Variants in SPECC1 observed in about 807,000 individuals in gnomAD.
The protein encoded by SPECC1 is sperm antigen with calponin homology and coiled-coil domains 1, also known as cytospin-B.
SPECC1 carries 62 observed loss-of-function variants against 104.1 expected under a neutral mutation model. The ratio of observed to expected loss-of-function variants is 0.60; its 90% confidence interval spans 0.49 to 0.74. SPECC1 has a LOEUF of 0.74. Among genes scored for constraint, SPECC1 ranks in the 30% least tolerant of loss-of-function variants. The pLI, the probability that SPECC1 is intolerant of heterozygous loss-of-function variation, is 0.00. For synonymous variants in SPECC1, 513 were observed against 501.6 expected, an observed-to-expected ratio of 1.02 and a Z score of -0.30; for missense variants, 1,306 against 1,310.5, an observed-to-expected ratio of 1.00 and a Z score of 0.05.
intron 3 of SPECC1, among the ~76,000 whole-genome samples, chr17:20,115,066 C>T (rs1021108228): frequency 1.2e-4 from 19 of 152,166 alleles, no homozygotes; most frequent in African/African-American, 4.3e-4. Flanking sequence ...AAAGATATAA[C>T]ATGGTGTGTT....
At chr17:20,158,939 G>T (rs1043937425) in intron 3 of SPECC1, among the ~76,000 whole-genome samples, 5 of 151,244 alleles carry the variant, frequency 3.3e-5, no homozygotes, top group African/African-American at 1.2e-4. Flanking sequence ...TTTTTTTGTA[G>T]AGATGGGATT....
intron 1 of SPECC1, among the ~76,000 whole-genome samples, chr17:20,069,570 C>T (rs975595003): frequency 1.3e-5 from 2 of 152,006 alleles, no homozygotes; most frequent in African/African-American, 4.8e-5. Flanking sequence ...TCCAGTTATT[C>T]CAGCATAATT....
intron 3 of SPECC1, among the ~76,000 whole-genome samples, chr17:20,122,181 G>T (rs1236701925): frequency 6.6e-6 from 1 of 152,142 alleles, no homozygotes; most frequent in Non-Finnish European, 1.5e-5. Context: ...AGGATAGAAA[G>T]ATGGGGGAGC....
At chr17:20,085,947 G>A (rs1240843874) in intron 1 of SPECC1, among the ~76,000 whole-genome samples, 1 of 152,246 alleles carries the variant, frequency 6.6e-6, no homozygotes, top group Non-Finnish European at 1.5e-5. Flanking sequence ...TGCAACTAGA[G>A]AAGCTCCAGC....
chr17:20,211,204 G>A (rs556216302), intron 4 of SPECC1, among the ~76,000 whole-genome samples: 1 of 152,314 alleles, frequency 6.6e-6, no homozygotes, highest in Admixed American at 6.5e-5. Context: ...TGGAGAGGTG[G>A]GAAGGTTACT....
rs1289187718 is a variant in SPECC1, at chr17:20,238,225, A to C, written c.2351+5820A>C. ...GTAAGCACGGTGACAATGGCAATAGAAATCTAATGGAAAACGATTGAATGA... is the reference window on the plus strand; with the variant it reads ...GTAAGCACGGTGACAATGGCAATAGCAATCTAATGGAAAACGATTGAATGA... On this transcript the variant is annotated intron_variant, in intron 7 of 14. Coordinates refer to ENST00000395527, the MANE Select transcript of SPECC1 (RefSeq NM_001243439.2). 7 of 1,040,290 alleles carry C rather than the reference A, an allele frequency of 6.7e-6. No homozygotes were observed. In the African/African-American group the frequency reaches 8.4e-5, roughly 12 times the overall value. 64.4% of individuals were successfully genotyped at this position (1,040,290 alleles called of 1,614,324 possible).
At chr17:20,105,876 A>T (rs1364665926) in intron 2 of SPECC1, among the ~76,000 whole-genome samples, 2 of 152,048 alleles carry the variant, frequency 1.3e-5, no homozygotes, top group African/African-American at 4.8e-5. Flanking sequence ...GTGGCTGGGG[A>T]TGGAGGCTGT....
chr17:20,211,468 C>G (rs2037144724), intron 4 of SPECC1, among the ~76,000 whole-genome samples: 1 of 152,258 alleles, frequency 6.6e-6, no homozygotes, highest in African/African-American at 2.4e-5. Context: ...GCTCAAGGGG[C>G]TGTGGCCTGG....
rs149352804 is a variant in SPECC1, at chr17:20,240,457, A to T, written c.2352-5469A>T. Among the ~76,000 whole-genome samples the T allele has an allele frequency of 6.3e-3, 963 of 151,810 alleles. 10 individuals carry two copies. Among genetic ancestry groups the T allele is most frequent in the African/African-American group, 0.022 (916 of 41,368 alleles). On this transcript the variant is annotated intron_variant, in intron 7 of 14. Transcript: ENST00000395527. ...ATTTTATATTTTTATGTAAACTGTT[A>T]GTGTTTTCCTTTACTCTTTTTTTTA...
At chr17:20,238,477 G>T in intron 7 of SPECC1, 2 of 1,042,330 alleles carry the variant, frequency 1.9e-6, no homozygotes, top group Non-Finnish European at 2.3e-6. Flanking sequence ...GTTATCCAAA[G>T]GATGAGACAA....
At chr17:20,251,293 T>A (rs1217355800) in intron 9 of SPECC1, among the ~76,000 whole-genome samples, 1 of 148,888 alleles carries the variant, frequency 6.7e-6, no homozygotes, top group Non-Finnish European at 1.5e-5. Flanking sequence ...CGATAAAGAT[T>A]AATATCTTTC....
chr17:20,150,944 C>T (rs992716846), intron 3 of SPECC1, among the ~76,000 whole-genome samples: 15 of 151,942 alleles, frequency 9.9e-5, no homozygotes, highest in Non-Finnish European at 7.4e-5. Context: ...AAAAATGGGA[C>T]CACATATATA....
chr17:20,268,526 A>T (rs1240232028), intron 12 of SPECC1, among the ~76,000 whole-genome samples: 1 of 152,250 alleles, frequency 6.6e-6, no homozygotes, highest in African/African-American at 2.4e-5. Context: ...CACAATTCAA[A>T]GAACATAAAG....
intron 1 of SPECC1, among the ~76,000 whole-genome samples, chr17:20,091,039 G>A (rs1343483214): frequency 2.6e-5 from 4 of 152,138 alleles, no homozygotes; most frequent in African/African-American, 7.2e-5. Context: ...AGGTGGTGTG[G>A]TTAGCGATGT....
At chr17:20,138,232 G>A (rs553638018) in intron 3 of SPECC1, among the ~76,000 whole-genome samples, 8 of 152,242 alleles carry the variant, frequency 5.3e-5, no homozygotes, top group South Asian at 4.2e-4. Flanking sequence ...AAAGTGCTGG[G>A]ATTACAGGCA....
chr17:20,110,297 G>A (rs913185701), intron 2 of SPECC1, 130 bp from the exon 3 acceptor site: 1 of 1,112,776 alleles, frequency 9.0e-7, no homozygotes, highest in Non-Finnish European at 1.3e-6. Flanking sequence ...ACTCTATCAT[G>A]CTACTCAAAG....
At chr17:20,157,395 T>TA (rs2032688853) in intron 3 of SPECC1, among the ~76,000 whole-genome samples, 1 of 152,080 alleles carries the variant, frequency 6.6e-6, no homozygotes, top group Non-Finnish European at 1.5e-5. Context: ...TGACTTTAGT[T>TA]ACACAGCACT....
intron 1 of SPECC1, among the ~76,000 whole-genome samples, chr17:20,078,727 A>C (rs1184529956): frequency 6.6e-6 from 1 of 152,142 alleles, no homozygotes; most frequent in Non-Finnish European, 1.5e-5. Flanking sequence ...TTATGTTAAA[A>C]ATTGTATGTT....
chr17:20,086,392 C>T (rs547267299), intron 1 of SPECC1, among the ~76,000 whole-genome samples: 1 of 152,214 alleles, frequency 6.6e-6, no homozygotes, highest in South Asian at 2.1e-4. Flanking sequence ...CCCTCCTCAG[C>T]CAGCCTCTTC....
Sources: allele counts gnomAD v4.1 joint callset (sites outside exome capture counted in the v4.1 genomes callset), GRCh38; gene constraint gnomAD v4.1.1; transcripts MANE v1.5; gene names NCBI Gene and HGNC (gene_info 2026-07-23, HGNC 2026-07-21).